CFAP92: variants seen among roughly 807,000 people sequenced by gnomAD.
The protein encoded by CFAP92 is cilia and flagella associated protein 92 (putative).
A neutral mutation model predicts 106.3 loss-of-function variants in CFAP92; 86 were observed. The ratio of observed to expected loss-of-function variants is 0.81; its 90% CI spans 0.68 to 0.97. CFAP92 has a LOEUF of 0.97. CFAP92 is among the 50% of genes least tolerant of loss of function. CFAP92 has a pLI of 0.00. For synonymous variants in CFAP92, 477 were observed against 506.4 expected (o/e 0.94, Z 0.78); for missense variants, 1,204 against 1,283.8 (o/e 0.94, Z 0.95).
At chr3:129,020,058 C>G in the CFAP92 span, among the ~76,000 whole-genome samples, 2,927 of 152,186 alleles carry the variant, frequency 0.019, 83 homozygotes, top group African/African-American at 0.065. Flanking sequence ...TATGAGCCAT[C>G]GCAACCAGCC....
chr3:128,949,250 CAT>C (rs1940555439), intron 9 of CFAP92, among the ~76,000 whole-genome samples: 3 of 152,202 alleles, frequency 2.0e-5, no homozygotes, highest in South Asian at 4.1e-4. Context: ...CCTATAAAAA[CAT>C]GTGTACACTG....
chr3:128,936,703 A>C (rs1170578786), intron 10 of CFAP92, among the ~76,000 whole-genome samples: 1 of 152,144 alleles, frequency 6.6e-6, no homozygotes, highest in East Asian at 1.9e-4. Flanking sequence ...CCAAATTCTC[A>C]AAACAATACC....
chr3:128,917,101 A>C (rs992591210), intron 12 of CFAP92, among the ~76,000 whole-genome samples: 3 of 152,256 alleles, frequency 2.0e-5, no homozygotes, highest in African/African-American at 7.2e-5. Context: ...CTGTCCAGGC[A>C]ACAAGGGATG....
intron 15 of CFAP92, among the ~76,000 whole-genome samples, chr3:128,913,747 G>C (rs1332659308): frequency 6.6e-6 from 1 of 152,174 alleles, no homozygotes; most frequent in South Asian, 2.1e-4. Flanking sequence ...AATGGGGAAA[G>C]TTTGTAAATA....
In CFAP92 at chr3:128,922,812, G is replaced by T. The variant is rs183965577; in HGVS notation, c.2752-6541C>A. Among the ~76,000 whole-genome samples the T allele has an allele frequency of 9.2e-4, 140 of 152,306 alleles. 1 individual carries two copies. Among genetic ancestry groups the T allele is most frequent in the Middle Eastern group, 3.4e-3 (1 of 294 alleles). ...TAGAGACTTATTGCAACAATGGAGTGCCCACCAAACATCTGAAGATCTATC... is the reference window on the plus strand; with the variant it reads ...TAGAGACTTATTGCAACAATGGAGTTCCCACCAAACATCTGAAGATCTATC... On this transcript the variant is annotated intron_variant, in intron 12 of 15. Transcript: ENST00000645291.
chr3:128,928,115 T>C (rs1937901552), intron 12 of CFAP92, among the ~76,000 whole-genome samples: 2 of 151,338 alleles, frequency 1.3e-5, no homozygotes, highest in Non-Finnish European at 2.9e-5. Flanking sequence ...TAGCCGGGAG[T>C]GGTGGCGGGT....
intron 2 of CFAP92, among the ~76,000 whole-genome samples, chr3:128,992,666 C>T (rs1230615495): frequency 2.6e-5 from 4 of 152,040 alleles, no homozygotes; most frequent in African/African-American, 9.7e-5. Context: ...CCTCCACCTC[C>T]GGGGTTCAAG....
chr3:128,909,985 G>C lies in CFAP92; in HGVS notation c.*314C>G. The C allele has an allele frequency of 6.2e-7, 1 of 1,610,364 alleles. No homozygotes were observed. Among genetic ancestry groups the C allele is most frequent in the Non-Finnish European group, 8.5e-7 (1 of 1,178,760 alleles). The stretch of plus-strand genomic sequence containing the variant: ...GGGACCATGTGGGGGACTGGTCTAG[G>C]TAGTGAGTCCCCACTTGGAGCCTCT... On this transcript the variant is annotated 3_prime_UTR_variant, in exon 16 of 16. Coordinates refer to ENST00000645291, the MANE Select transcript of CFAP92 (RefSeq NM_001394090.1).
At chr3:128,991,032 T>A (rs768679242) in intron 2 of CFAP92, among the ~76,000 whole-genome samples, 1 of 152,192 alleles carries the variant, frequency 6.6e-6, no homozygotes, top group Non-Finnish European at 1.5e-5. Context: ...GGTATTGGCA[T>A]GATAAAAAAA....
chr3:128,975,966 A>T (rs1943130493), intron 6 of CFAP92, 63 bp from the exon 7 acceptor site: 4 of 1,514,358 alleles, frequency 2.6e-6, no homozygotes, highest in Non-Finnish European at 3.6e-6. Flanking sequence ...AGATCTGAGA[A>T]TCTATTTACT....
Position 128,953,053 on chromosome 3 carries a change from C to T in CFAP92, c.1354-7078G>A, listed in dbSNP as rs145088904. 7.0e-4 allele frequency among the ~76,000 whole-genome samples: 106 copies of T among 151,576 alleles called. 1 individual carries two copies. Among genetic ancestry groups the T allele is most frequent in the African/African-American group, 2.5e-3 (102 of 41,318 alleles). ...GCCAAGATGGCACCATTGCACTGGG[C>T]GACAGAGTAAGACTCCAACTCAAAA... On this transcript the variant is annotated intron_variant, in intron 9 of 15. Coordinates refer to ENST00000645291, the MANE Select transcript of CFAP92 (RefSeq NM_001394090.1).
chr3:128,932,827 T>G lies in CFAP92; in HGVS notation c.2624A>C (p.Asn875Thr), dbSNP rs554275842. 6.5e-7 allele frequency: 1 copy of G among 1,536,030 alleles called. No individual in the cohort carries two copies. The highest frequency in any genetic ancestry group is 8.7e-7 in the Non-Finnish European group (1 of 1,146,892). ...LFALPPQPAP[N>T]LEDYHSRNST... ...GTTCCGACTGTGGTAGTCCTCAAGATTGGGGGCAGGCTGAGGTGGTAGGGC... is the reference window on the plus strand; with the variant it reads ...GTTCCGACTGTGGTAGTCCTCAAGAGTGGGGGCAGGCTGAGGTGGTAGGGC... The change falls in exon 12 of 16, where the codon AAT becomes ACT. Residue 875 changes from asparagine (N) to threonine (T), a missense_variant. Transcript: ENST00000645291.
intron 9 of CFAP92, among the ~76,000 whole-genome samples, chr3:128,962,797 C>T (rs1170812186): frequency 6.6e-6 from 1 of 152,176 alleles, no homozygotes; most frequent in Admixed American, 6.5e-5. Context: ...CCCCATTTTA[C>T]CTGTCCTAAA....
In CFAP92 at chr3:128,975,789, T is replaced by C. The variant is rs752111826; in HGVS notation, c.1011A>G (p.Gln337=). The change falls in exon 7 of 16, where the codon CAA becomes CAG. Residue 337 remains glutamine, a synonymous_variant. Transcript: ENST00000645291. ...LSSLTNILDR[Q]RSQIKGKDSE... is the part of the protein sequence containing the mutation. Reference sequence around the variant, plus strand: ...CCTATCCTAACTTACTTTGAGACCTTTGTCTGTCTAATATGTTTGTTAAGC... The same window carrying C: ...CCTATCCTAACTTACTTTGAGACCTCTGTCTGTCTAATATGTTTGTTAAGC... 12 of 1,594,074 alleles carry C rather than the reference T, an allele frequency of 7.5e-6. No individual in the cohort carries two copies. The South Asian group carries it at 1.4e-4, about 18-fold the overall frequency.
chr3:129,019,703 G>T, the CFAP92 span, among the ~76,000 whole-genome samples: 4 of 151,290 alleles, frequency 2.6e-5, no homozygotes, highest in Non-Finnish European at 4.4e-5. Context: ...CTGAGCACTT[G>T]ATGTAGCTAG....
At chr3:128,931,094 C>T (rs1938314580) in intron 12 of CFAP92, among the ~76,000 whole-genome samples, 1 of 152,076 alleles carries the variant, frequency 6.6e-6, no homozygotes, top group African/African-American at 2.4e-5. Context: ...TTAGTAGAGA[C>T]GGGTTTTGCC....
At chr3:128,992,042 G>T (rs760878159) in intron 2 of CFAP92, 13 of 201,372 alleles carry the variant, frequency 6.5e-5, no homozygotes, top group Non-Finnish European at 9.7e-5. Context: ...ACAAGAAGGG[G>T]TCTAGGATAG....
chr3:128,910,888 C>T (rs1285016448), intron 15 of CFAP92: 1 of 1,532,984 alleles, frequency 6.5e-7, no homozygotes, highest in Non-Finnish European at 9.0e-7. Context: ...TGTTTCTGGA[C>T]CCTGTCAAGC....
rs1189595276 is a variant in CFAP92 at position 128,955,584 on chromosome 3, C to T, written c.1354-9609G>A. ...CAGCCCCCCGCCCGGCCAGCCGCCC[C>T]GCCCAGGAGGTGAGGGGCGCCTCTG... is the stretch of plus-strand genomic sequence containing the variant. On this transcript the variant is annotated intron_variant, in intron 9 of 15. Coordinates refer to ENST00000645291, the MANE Select transcript of CFAP92 (RefSeq NM_001394090.1). Among the ~76,000 whole-genome samples, 12 of 44,328 alleles carry T rather than the reference C, an allele frequency of 2.7e-4. 1 individual carries two copies. The highest frequency in any genetic ancestry group is 3.6e-4 in the Non-Finnish European group (11 of 30,840). 29.1% of individuals were successfully genotyped at this position (44,328 alleles called of 152,430 possible). A position where few individuals can be genotyped will look rare whatever the true frequency, so the allele number is the denominator to read the frequency against.
Sources: gnomAD v4.1 joint callset for allele counts (sites outside exome capture counted in the v4.1 genomes callset) on GRCh38, gnomAD v4.1.1 for gene constraint, MANE v1.5 for transcripts, NCBI Gene and HGNC (gene_info 2026-07-23, HGNC 2026-07-21) for gene names.